Variants in GNB4 observed in about 807,000 individuals in gnomAD.
GNB4 encodes the protein G protein subunit beta 4.
Under a neutral mutation model 45.2 loss-of-function variants are expected in GNB4, and 28 were observed. The ratio of observed to expected loss-of-function variants is 0.62; its 90% confidence interval spans 0.46 to 0.85. The LOEUF is 0.85. Among genes scored for constraint, GNB4 ranks in the 40% least tolerant of loss-of-function variants. The probability of loss-of-function intolerance (pLI) is 0.00; values close to 1 mark genes in which losing one functional copy is unlikely to be tolerated. For synonymous variants in GNB4, 132 were observed against 143.7 expected (o/e 0.92, Z 0.58); for missense variants, 321 against 425.4 (o/e 0.75, Z 2.16).
intron 1 of GNB4, among the ~76,000 whole-genome samples, chr3:179,433,803 G>C (rs1715373381): frequency 6.6e-6 from 1 of 151,710 alleles, no homozygotes; most frequent in South Asian, 2.1e-4. Flanking sequence ...TACTTCAAAT[G>C]AATCATTAAA....
the GNB4 span, among the ~76,000 whole-genome samples, chr3:179,464,041 T>C: frequency 1.3e-5 from 2 of 152,208 alleles, no homozygotes; most frequent in Non-Finnish European, 2.9e-5. Context: ...CTTCACTTGA[T>C]TGTGGTAACC....
At chr3:179,406,252 T>C (rs1017572303) in intron 8 of GNB4, among the ~76,000 whole-genome samples, 2 of 152,236 alleles carry the variant, frequency 1.3e-5, no homozygotes, top group African/African-American at 2.4e-5. Flanking sequence ...GGTGTGTTTC[T>C]TGCATACAAC....
At chr3:179,418,859 C>T (rs1033589144) in intron 4 of GNB4, among the ~76,000 whole-genome samples, 3 of 152,264 alleles carry the variant, frequency 2.0e-5, no homozygotes, top group African/African-American at 7.2e-5. Context: ...ATCTATCTAA[C>T]TGTAGGCCAC....
the GNB4 span, among the ~76,000 whole-genome samples, chr3:179,487,859 G>A: frequency 2.6e-5 from 4 of 152,066 alleles, no homozygotes; most frequent in Non-Finnish European, 5.9e-5. Context: ...AGACCAGCCT[G>A]CCCAACATGG....
At chr3:179,524,942 A>G in the GNB4 span, among the ~76,000 whole-genome samples, 1 of 152,016 alleles carries the variant, frequency 6.6e-6, no homozygotes, top group Non-Finnish European at 1.5e-5. Flanking sequence ...ATTATAGGGT[A>G]TGGGAGTGGA....
At chr3:179,470,504 T>C in the GNB4 span, among the ~76,000 whole-genome samples, 1 of 149,468 alleles carries the variant, frequency 6.7e-6, no homozygotes, top group Non-Finnish European at 1.5e-5. Flanking sequence ...AGAATGAAGA[T>C]ATAGAGAAAG....
At chr3:179,473,112 G>A in the GNB4 span, among the ~76,000 whole-genome samples, 1,866 of 152,196 alleles carry the variant, frequency 0.012, 20 homozygotes, top group South Asian at 0.05. Flanking sequence ...GCAGTGAGCC[G>A]AGATCCTGCC....
intron 5 of GNB4, 64 bp downstream of exon 5, chr3:179,416,429 G>A: frequency 2.1e-6 from 2 of 940,628 alleles, no homozygotes; most frequent in East Asian, 2.6e-5. Context: ...AAGAATAAAG[G>A]AAAGAACTGG....
chr3:179,434,584 C>T (rs190200662), intron 1 of GNB4, among the ~76,000 whole-genome samples: 3 of 151,726 alleles, frequency 2.0e-5, no homozygotes, highest in African/African-American at 7.2e-5. Flanking sequence ...AGCCAGATGT[C>T]GTGGTGTGTG....
the GNB4 span, among the ~76,000 whole-genome samples, chr3:179,497,537 A>G: frequency 3.9e-5 from 6 of 152,242 alleles, no homozygotes; most frequent in East Asian, 5.8e-4. Context: ...CTTCACAGCA[A>G]AAGAAGCAAT....
rs1241877103 is a variant in GNB4 at position 179,420,898 on chromosome 3, C to T, written c.87G>A (p.Thr29=). The T allele has an allele frequency of 1.0e-5, 16 of 1,589,374 alleles. No homozygotes were observed. The highest frequency in any genetic ancestry group is 1.2e-5 in the Non-Finnish European group (14 of 1,161,800). The change falls in exon 3 of 10, where the codon ACG becomes ACA. Residue 29 remains threonine (T), a synonymous_variant. Transcript: ENST00000232564. ...QDARKACNDA[T]LVQITSNMDS... ...AAAAACAAAACTTTACCTGAACAAG[C>T]GTTGCATCATTACATGCTTTCCGAG...
chr3:179,427,327 T>G (rs56231352), intron 1 of GNB4, among the ~76,000 whole-genome samples: 16,451 of 151,928 alleles, frequency 0.11, 2,470 homozygotes, highest in African/African-American at 0.34. Flanking sequence ...GTAAAGGGTC[T>G]GGTGTGGTGG....
At chr3:179,445,474 T>C (rs1655062291) in intron 1 of GNB4, among the ~76,000 whole-genome samples, 1 of 152,010 alleles carries the variant, frequency 6.6e-6, no homozygotes, top group South Asian at 2.1e-4. Flanking sequence ...TTTGTAGAGA[T>C]GGGGTTTCAC....
At chr3:179,498,909 C>T in the GNB4 span, among the ~76,000 whole-genome samples, 1 of 151,940 alleles carries the variant, frequency 6.6e-6, no homozygotes, top group African/African-American at 2.4e-5. Context: ...AATGCTATCC[C>T]TCCCCTAGCC....
chr3:179,487,227 G>A, the GNB4 span, among the ~76,000 whole-genome samples: 1 of 152,190 alleles, frequency 6.6e-6, no homozygotes, highest in South Asian at 2.1e-4. Flanking sequence ...AAGGCATACT[G>A]TTCACTGCAA....
the GNB4 span, among the ~76,000 whole-genome samples, chr3:179,477,853 G>T: frequency 6.6e-6 from 1 of 152,016 alleles, no homozygotes; most frequent in African/African-American, 2.4e-5. Context: ...ATTCTTCCAA[G>T]CTCTGTCCAT....
chr3:179,491,119 TAGAC>T, the GNB4 span, among the ~76,000 whole-genome samples: 1 of 151,958 alleles, frequency 6.6e-6, no homozygotes, highest in Non-Finnish European at 1.5e-5. Flanking sequence ...TTGAAACAAA[TAGAC>T]AGAAATTCTC....
intron 8 of GNB4, among the ~76,000 whole-genome samples, chr3:179,412,918 G>A (rs1714691777): frequency 6.6e-6 from 1 of 151,956 alleles, no homozygotes; most frequent in Non-Finnish European, 1.5e-5. Context: ...AGTGGCTCAT[G>A]CCTGTAATCC....
chr3:179,455,723 GACA>G (rs1381246832), upstream of GNB4, among the ~76,000 whole-genome samples: 1 of 152,144 alleles, frequency 6.6e-6, no homozygotes, highest in Admixed American at 6.5e-5. Flanking sequence ...AGTGGATTAG[GACA>G]ACAACAATTA....
Sources: gnomAD v4.1 joint callset for allele counts (sites outside exome capture counted in the v4.1 genomes callset) on GRCh38, gnomAD v4.1.1 for gene constraint, MANE v1.5 for transcripts, NCBI Gene and HGNC (gene_info 2026-07-23, HGNC 2026-07-21) for gene names.